Variants in KCNMB1 observed in about 807,000 individuals in gnomAD.
KCNMB1 encodes the protein calcium-activated potassium channel subunit beta-1.
Under a neutral mutation model 21.7 loss-of-function variants are expected in KCNMB1, and 22 were observed. The observed-to-expected ratio is 1.01, with a 90% confidence interval of 0.72 to 1.45. KCNMB1 has a LOEUF of 1.45. KCNMB1 is among the 40% of genes most tolerant of loss of function. The pLI, the probability that KCNMB1 is intolerant of heterozygous loss-of-function variation, is 0.00. For synonymous variants in KCNMB1, 114 were observed against 107.6 expected (o/e 1.06, Z -0.37); for missense variants, 243 against 243.4 (o/e 1.00, Z 0.01).
chr5:170,378,600 G>A lies in KCNMB1; in HGVS notation c.*104C>T, dbSNP rs1385245208. On this transcript the variant is annotated 3_prime_UTR_variant, in exon 4 of 4. Transcript: ENST00000274629. ...ACAGCGTGGATTGGACTGGAAGAGT[G>A]GGAGGGCAGGTGGAGAAGGCATTGT... 5.9e-6 allele frequency: 7 copies of A among 1,192,842 alleles called. No individual in the cohort carries two copies. The East Asian group carries it at 1.2e-4, about 20-fold the overall frequency. The allele number at this position is 1,192,842 out of a possible 1,614,324, so 73.9% of individuals were successfully genotyped here.
Position 170,378,824 on chromosome 5 carries a change from G to A in KCNMB1, c.456C>T (p.Tyr152=), listed in dbSNP as rs145466654. ...GGGAGAAGAGGAGGGCCTGGGGCCC[G>A]TAGAGGCGCTGGAATAGGACGCTGG... is the stretch of plus-strand genomic sequence containing the variant. The part of the protein sequence containing the change: ...NETSVLFQRL[Y]GPQALLFSLF... The change falls in exon 4 of 4, where the codon TAC becomes TAT. Residue 152 remains tyrosine (Y), a synonymous_variant. Coordinates refer to ENST00000274629, the MANE Select transcript of KCNMB1 (RefSeq NM_004137.4). 8.2e-5 allele frequency: 133 copies of A among 1,614,236 alleles called. No individual in the cohort carries two copies. Among genetic ancestry groups the A allele is most frequent in the Admixed American group, 1.0e-4 (6 of 60,028 alleles).
intron 1 of KCNMB1, among the ~76,000 whole-genome samples, chr5:170,387,375 A>C (rs1393177944): frequency 2.0e-5 from 3 of 152,068 alleles, no homozygotes; most frequent in Non-Finnish European, 4.4e-5. Context: ...TAACTACTAG[A>C]CTGTTTCAAA....
intron 2 of KCNMB1, 41 bp from the exon 3 acceptor site, chr5:170,383,891 C>T: frequency 1.2e-6 from 2 of 1,600,376 alleles, no homozygotes; most frequent in Non-Finnish European, 1.7e-6. Context: ...CATCTCAGAA[C>T]TGGGTGACAC....
Position 170,376,150 on chromosome 5 carries a change from CTTTTTTTTTTTTTTT to C in KCNMB1, c.*2539_*2553del, listed in dbSNP as rs397885011. On this transcript the variant is annotated 3_prime_UTR_variant, in exon 4 of 4. Transcript: ENST00000274629. ...AGTTTCTGAGTATTCATGACTTATT[CTTTTTTTTTTTTTTT>C]TTTTTTTTTTTTTGAGACAGAGTCT... is the stretch of plus-strand genomic sequence containing the variant. 4.2e-5 allele frequency: 3 copies of C among 70,650 alleles called. No homozygotes were observed. The highest frequency in any genetic ancestry group is 8.3e-3 in the Middle Eastern group (1 of 120). 4.4% of individuals were successfully genotyped at this position (70,650 alleles called of 1,614,324 possible). A position where few individuals can be genotyped will look rare whatever the true frequency, so the allele number is the denominator to read the frequency against.
chr5:170,379,714 C>T lies in KCNMB1; in HGVS notation c.307-741G>A, dbSNP rs190122267. 2.8e-3 allele frequency among the ~76,000 whole-genome samples: 433 copies of T among 152,180 alleles called. 2 individuals are homozygous for T. Among genetic ancestry groups the T allele is most frequent in the African/African-American group, 9.9e-3 (412 of 41,532 alleles). On this transcript the variant is annotated intron_variant, in intron 3 of 3. Coordinates refer to ENST00000274629, the MANE Select transcript of KCNMB1 (RefSeq NM_004137.4). ...CTGTAATCCTAACACTTTGGGAAGCCGAAGGGGAAGGATCCCTTGAGCCCA... is the reference window on the plus strand; with the variant it reads ...CTGTAATCCTAACACTTTGGGAAGCTGAAGGGGAAGGATCCCTTGAGCCCA...
Position 170,376,411 on chromosome 5 carries a change from C to A in KCNMB1, c.*2293G>T, listed in dbSNP as rs185312972. The A allele has an allele frequency of 4.7e-3, 716 of 152,106 alleles. 5 individuals are homozygous for A. The highest frequency in any genetic ancestry group is 0.041 in the Middle Eastern group (12 of 294). 9.4% of individuals were successfully genotyped at this position (152,106 alleles called of 1,614,324 possible). A position where few individuals can be genotyped will look rare whatever the true frequency, so the allele number is the denominator to read the frequency against. On this transcript the variant is annotated 3_prime_UTR_variant, in exon 4 of 4. Transcript: ENST00000274629. Reference sequence around the variant, plus strand: ...ATCTCCTGACCTCGTGATCTGCCCACCTCGGCCTCCCAAAGTGCTGGGATT... The same window carrying A: ...ATCTCCTGACCTCGTGATCTGCCCAACTCGGCCTCCCAAAGTGCTGGGATT...
At chr5:170,388,104 G>A (rs1764559583) in intron 1 of KCNMB1, among the ~76,000 whole-genome samples, 1 of 152,224 alleles carries the variant, frequency 6.6e-6, no homozygotes, top group Non-Finnish European at 1.5e-5. Flanking sequence ...TGAGGCTGGT[G>A]AAGGCAGGAA....
At chr5:170,388,282 G>C (rs1253752311) in intron 1 of KCNMB1, among the ~76,000 whole-genome samples, 2 of 152,350 alleles carry the variant, frequency 1.3e-5, no homozygotes, top group African/African-American at 4.8e-5. Flanking sequence ...ATCCTCCTAA[G>C]ACCATGCGTG....
intron 1 of KCNMB1, 119 bp from the exon 2 acceptor site, chr5:170,385,590 G>A: frequency 1.0e-6 from 1 of 974,580 alleles, no homozygotes; most frequent in African/African-American, 1.6e-5. Flanking sequence ...GTTTATATTT[G>A]GAGCTTTGCA....
chr5:170,384,664 G>A (rs2071159), intron 2 of KCNMB1, among the ~76,000 whole-genome samples: 36,731 of 152,138 alleles, frequency 0.24, 4,516 homozygotes, highest in South Asian at 0.29. Context: ...CTTATCCTAA[G>A]GACAGGCTGG....
At chr5:170,388,480 A>G (rs314107) in intron 1 of KCNMB1, among the ~76,000 whole-genome samples, 79,434 of 152,070 alleles carry the variant, frequency 0.52, 21,151 homozygotes, top group African/African-American at 0.62. Flanking sequence ...AGTTTTGAGC[A>G]TTTCTAAATA....
Position 170,378,764 on chromosome 5 carries a change from G to A in KCNMB1, c.516C>T (p.Leu172=). Residue 172 remains leucine, a synonymous_variant, in exon 4 of 4, where the codon CTC becomes CTT. Transcript: ENST00000274629. ...FWPTFLLTGG[L]LIIAMVKSNQ... is the part of the protein sequence containing the mutation. ...TGCTCTTCACCATGGCGATAATGAG[G>A]AGGCCACCGGTCAGCAGGAAGGTGG... is the stretch of plus-strand genomic sequence containing the variant. 2 of 1,614,182 alleles carry A rather than the reference G, an allele frequency of 1.2e-6. No individual in the cohort carries two copies. Among genetic ancestry groups the A allele is most frequent in the East Asian group, 2.2e-5 (1 of 44,888 alleles).
In KCNMB1 at chr5:170,377,120, C is replaced by T. The variant is rs1184030991; in HGVS notation, c.*1584G>A. ...CTTCAGACACCAGCCTAACTTCACA[C>T]CCAGCTCAGGACTGGCCCTGCCGAA... On this transcript the variant is annotated 3_prime_UTR_variant, in exon 4 of 4. Coordinates refer to ENST00000274629, the MANE Select transcript of KCNMB1 (RefSeq NM_004137.4). 6.6e-6 allele frequency: 1 copy of T among 152,334 alleles called. No homozygotes were observed. Among genetic ancestry groups the T allele is most frequent in the Non-Finnish European group, 1.5e-5 (1 of 68,110 alleles). 9.4% of individuals were successfully genotyped at this position (152,334 alleles called of 1,614,324 possible). A position where few individuals can be genotyped will look rare whatever the true frequency, so the allele number is the denominator to read the frequency against.
rs752545904 is a variant in KCNMB1 at position 170,378,930 on chromosome 5, CG to C, written c.349del (p.Arg117GlyfsTer52). ...GGCTCTGACCTTCTCCACGTCGGCC[CG>C]GGCCGTCTGGTAATTGTCCACGCTG... ...PGSVDNYQTA[R>X]ADVEKVRAKF... is the part of the protein sequence containing the mutation. On this transcript the variant is annotated frameshift_variant, in exon 4 of 4. Transcript: ENST00000274629. LOFTEE classifies it high-confidence loss of function. 3.1e-6 allele frequency: 5 copies of C among 1,614,140 alleles called. No individual in the cohort carries two copies. In the South Asian group the frequency reaches 3.3e-5, roughly 11 times the overall value.
intron 3 of KCNMB1, among the ~76,000 whole-genome samples, chr5:170,381,200 G>A (rs1206550398): frequency 6.6e-6 from 1 of 152,122 alleles, no homozygotes; most frequent in Non-Finnish European, 1.5e-5. Flanking sequence ...ACTCTTCATG[G>A]CCAAACCCAG....
At chr5:170,381,166 T>A (rs1038281978) in intron 3 of KCNMB1, among the ~76,000 whole-genome samples, 13 of 152,164 alleles carry the variant, frequency 8.5e-5, no homozygotes, top group African/African-American at 3.1e-4. Context: ...TGGGCCTGTT[T>A]GGCAAGACAC....
intron 3 of KCNMB1, 108 bp downstream of exon 3, chr5:170,383,571 G>T: frequency 8.1e-7 from 1 of 1,233,670 alleles, no homozygotes; most frequent in Non-Finnish European, 1.2e-6. Flanking sequence ...TGTGAGACCT[G>T]GTCAAGTGGG....
chr5:170,377,505 C>A lies in KCNMB1; in HGVS notation c.*1199G>T, dbSNP rs1030420221. The A allele has an allele frequency of 3.3e-5, 5 of 152,030 alleles. No homozygotes were observed. Among genetic ancestry groups the A allele is most frequent in the Non-Finnish European group, 5.9e-5 (4 of 68,024 alleles). The allele number at this position is 152,030 out of a possible 1,614,324, so 9.4% of individuals were successfully genotyped here. On this transcript the variant is annotated 3_prime_UTR_variant, in exon 4 of 4. Coordinates refer to ENST00000274629, the MANE Select transcript of KCNMB1 (RefSeq NM_004137.4). ...GCAGGCTCAGTGCCAGAGTCCATAC[C>A]CTCAATTTAAATAACAAATCCTCCT...
Position 170,378,766 on chromosome 5 carries a change from G to A in KCNMB1, c.514C>T (p.Leu172Phe). Reference sequence around the variant, plus strand: ...CTCTTCACCATGGCGATAATGAGGAGGCCACCGGTCAGCAGGAAGGTGGGC... The same window carrying A: ...CTCTTCACCATGGCGATAATGAGGAAGCCACCGGTCAGCAGGAAGGTGGGC... Reference protein sequence around the residue: ...FWPTFLLTGGLLIIAMVKSNQ... With the variant: ...FWPTFLLTGGFLIIAMVKSNQ... The change falls in exon 4 of 4, where the codon CTC (leucine) becomes TTC (phenylalanine). Residue 172 changes from leucine (L) to phenylalanine (F), a missense_variant. Physicochemically the swap from Leu to Phe is conservative, Grantham distance 22. Coordinates refer to ENST00000274629, the MANE Select transcript of KCNMB1 (RefSeq NM_004137.4). 6.2e-7 allele frequency: 1 copy of A among 1,614,206 alleles called. No homozygotes were observed. Among genetic ancestry groups the A allele is most frequent in the Non-Finnish European group, 8.5e-7 (1 of 1,180,030 alleles).
Sources: allele counts gnomAD v4.1 joint callset (sites outside exome capture counted in the v4.1 genomes callset), GRCh38; gene constraint gnomAD v4.1.1; transcripts MANE v1.5; gene names NCBI Gene and HGNC (gene_info 2026-07-23, HGNC 2026-07-21).